BAZ1B: variants seen among roughly 807,000 people sequenced by gnomAD.
The protein encoded by BAZ1B is tyrosine-protein kinase BAZ1B.
Under a neutral mutation model 153.8 loss-of-function variants are expected in BAZ1B, and 22 were observed. The ratio of observed to expected loss-of-function variants is 0.14; its 90% confidence interval spans 0.10 to 0.20. The LOEUF (loss-of-function observed/expected upper bound fraction) is 0.20. BAZ1B is among the 10% of genes least tolerant of loss of function. The pLI, the probability that BAZ1B is intolerant of heterozygous loss-of-function variation, is 1.00. For missense variants in BAZ1B, 1,325 were observed against 1,799.3 expected, an observed-to-expected ratio of 0.74 and a Z score of 4.77; for synonymous variants, 676 against 633.4, an observed-to-expected ratio of 1.07 and a Z score of -1.01.
chr7:73,502,101 G>A (rs962461755), intron 3 of BAZ1B, among the ~76,000 whole-genome samples: 3 of 151,852 alleles, frequency 2.0e-5, no homozygotes, highest in Non-Finnish European at 4.4e-5. Flanking sequence ...ATGTTGGCCA[G>A]GCTGGTCTTG....
Position 73,496,437 on chromosome 7 carries a change from G to C in BAZ1B, c.571+2060C>G, listed in dbSNP as rs916334702. Among the ~76,000 whole-genome samples, 5 of 152,256 alleles carry C rather than the reference G, an allele frequency of 3.3e-5. No homozygotes were observed. In the East Asian group the frequency reaches 9.6e-4, roughly 29 times the overall value. On this transcript the variant is annotated intron_variant, in intron 4 of 19. Coordinates refer to ENST00000339594, the MANE Select transcript of BAZ1B (RefSeq NM_032408.4). The stretch of plus-strand genomic sequence containing the variant: ...CCAAAACATCTAGACACACAAAATA[G>C]AATGGGAGACAGACAACATCACATT...
chr7:73,462,215 T>C (rs955669480), intron 12 of BAZ1B, among the ~76,000 whole-genome samples: 107 of 152,154 alleles, frequency 7.0e-4, no homozygotes, highest in African/African-American at 2.5e-3. Context: ...TCAGCCTGGG[T>C]AACAGAGGGG....
At chr7:73,463,482 C>A (rs950833583) in intron 11 of BAZ1B, among the ~76,000 whole-genome samples, 6 of 151,792 alleles carry the variant, frequency 4.0e-5, no homozygotes, top group African/African-American at 1.5e-4. Flanking sequence ...TCAATTCAAG[C>A]GATCCTCTCC....
In BAZ1B at chr7:73,450,842, T is replaced by G; in HGVS notation, c.3580+5A>C. 1 of 1,613,966 alleles carries G rather than the reference T, an allele frequency of 6.2e-7. No homozygotes were observed. The highest frequency in any genetic ancestry group is 8.5e-7 in the Non-Finnish European group (1 of 1,179,866). On this transcript the variant is annotated splice_donor_5th_base_variant and intron_variant, in intron 14 of 19. Transcript: ENST00000339594. The surrounding 1 kb of genome is among the most constrained non-coding windows in gnomAD (Gnocchi z 4.1). Reference sequence around the variant, plus strand: ...CCCACATAAGCAAATTTGATTTAAATATACCTTTCTTTCGACAAACTTTGC... The same window carrying G: ...CCCACATAAGCAAATTTGATTTAAAGATACCTTTCTTTCGACAAACTTTGC...
At chr7:73,508,190 C>T (rs564125317) in intron 3 of BAZ1B, 137 bp downstream of exon 3, 21 of 899,910 alleles carry the variant, frequency 2.3e-5, no homozygotes, top group East Asian at 3.1e-5. Context: ...CAAGTATTAA[C>T]GTAAAGTATT....
chr7:73,513,094 C>T (rs1554578803), intron 1 of BAZ1B, among the ~76,000 whole-genome samples: 1 of 152,160 alleles, frequency 6.6e-6, no homozygotes, highest in East Asian at 1.9e-4. Context: ...GCTAGGACTA[C>T]AGGTGCACAC....
intron 14 of BAZ1B, 106 bp from the exon 15 acceptor site, chr7:73,449,795 G>T: frequency 8.0e-7 from 1 of 1,252,118 alleles, no homozygotes; most frequent in South Asian, 1.6e-5. Context: ...GAGGAGACAT[G>T]TTCCATAGAA....
Position 73,450,718 on chromosome 7 carries a change from A to G in BAZ1B, c.3580+129T>C. The G allele has an allele frequency of 9.3e-6, 10 of 1,080,720 alleles. No individual in the cohort carries two copies. Among genetic ancestry groups the G allele is most frequent in the Non-Finnish European group, 1.3e-5 (10 of 750,926 alleles). The allele number at this position is 1,080,720 out of a possible 1,614,324, so 66.9% of individuals were successfully genotyped here. On this transcript the variant is annotated intron_variant, in intron 14 of 19. Coordinates refer to ENST00000339594, the MANE Select transcript of BAZ1B (RefSeq NM_032408.4). This position sits in a 1 kb window ranked among gnomAD's most constrained non-coding sequence, Gnocchi z 4.1. ...AAAGACTGGCATGTTACAGACCTGC[A>G]GGAGAGTAAAATCTATACCACACTT...
At chr7:73,509,987 C>T (rs565935042) in intron 2 of BAZ1B, among the ~76,000 whole-genome samples, 14 of 150,188 alleles carry the variant, frequency 9.3e-5, no homozygotes, top group African/African-American at 3.4e-4. Context: ...ATTAGCCAGG[C>T]GTGGTGGTGA....
rs782464844 is a variant in BAZ1B at position 73,478,444 on chromosome 7, G to A, written c.1017C>T (p.His339=). 1.9e-5 allele frequency: 30 copies of A among 1,613,036 alleles called. No homozygotes were observed. The highest frequency in any genetic ancestry group is 8.9e-5 in the East Asian group (4 of 44,874). ...SSPLNPKLWC[H]VHLKKSLSGS... ...CACTCAATGACTTCTTCAAGTGTACGTGACACCATAACTTAGGATTTAGTG... is the reference window on the plus strand; with the variant it reads ...CACTCAATGACTTCTTCAAGTGTACATGACACCATAACTTAGGATTTAGTG... The change falls in exon 7 of 20, where the codon CAC becomes CAT. Residue 339 remains histidine (H), a synonymous_variant. Coordinates refer to ENST00000339594, the MANE Select transcript of BAZ1B (RefSeq NM_032408.4).
At chr7:73,470,799 G>C (rs1042186240) in intron 7 of BAZ1B, among the ~76,000 whole-genome samples, 6 of 152,046 alleles carry the variant, frequency 3.9e-5, no homozygotes, top group Admixed American at 6.6e-5. Flanking sequence ...GCAGTGGTGC[G>C]ATCTCGGCTC....
At chr7:73,453,685 C>A (rs1383313653) in intron 13 of BAZ1B, among the ~76,000 whole-genome samples, 1 of 152,202 alleles carries the variant, frequency 6.6e-6, no homozygotes, top group Non-Finnish European at 1.5e-5. Flanking sequence ...TATACACAGT[C>A]ATTTAAAAGG....
At chr7:73,458,857 G>A (rs1267008649) in intron 13 of BAZ1B, among the ~76,000 whole-genome samples, 9 of 152,010 alleles carry the variant, frequency 5.9e-5, no homozygotes, top group South Asian at 2.1e-4. Context: ...GCAAATCACC[G>A]CATACCAGCT....
Position 73,476,905 on chromosome 7 carries a change from A to G in BAZ1B, c.2556T>C (p.Ala852=), listed in dbSNP as rs943868783. The G allele has an allele frequency of 6.2e-7, 1 of 1,607,132 alleles. No homozygotes were observed. The highest frequency in any genetic ancestry group is 8.5e-7 in the Non-Finnish European group (1 of 1,178,040). The change falls in exon 7 of 20, where the codon GCT becomes GCC. Residue 852 remains alanine, a synonymous_variant. Coordinates refer to ENST00000339594, the MANE Select transcript of BAZ1B (RefSeq NM_032408.4). ...TTTCCTGGATTTCCCGTTCCTTCTT[A>G]GCTTGAATGGCAAGCAACCTTCTGC... ...VKSRRLLAIQ[A]KKEREIQERE...
intron 10 of BAZ1B, 100 bp downstream of exon 10, chr7:73,466,196 G>A (rs1432666746): frequency 7.3e-6 from 6 of 818,430 alleles, no homozygotes; most frequent in African/African-American, 1.7e-5. Flanking sequence ...AGTATCCTGC[G>A]CAAATAATTA....
chr7:73,477,654 G>A lies in BAZ1B; in HGVS notation c.1807C>T (p.Pro603Ser), dbSNP rs1789045900. 1 of 1,614,072 alleles carries A rather than the reference G, an allele frequency of 6.2e-7. No homozygotes were observed. Among genetic ancestry groups the A allele is most frequent in the Non-Finnish European group, 8.5e-7 (1 of 1,180,034 alleles). The change falls in exon 7 of 20, where the codon CCC (proline) becomes TCC (serine). Residue 603 changes from proline to serine, a missense_variant. Physicochemically the swap from Pro to Ser is moderately conservative, Grantham distance 74. Around this residue, in one of 9 missense-constraint regions of BAZ1B, gnomAD observed 154 missense variants for 266.3 expected, o/e 0.58. Coordinates refer to ENST00000339594, the MANE Select transcript of BAZ1B (RefSeq NM_032408.4). The surrounding 1 kb of genome is among the most constrained non-coding windows in gnomAD (Gnocchi z 5.6). ...FRLVDTPEGLPNTLFGDVAMV... is the reference protein window; with the variant it reads ...FRLVDTPEGLSNTLFGDVAMV... Reference sequence around the variant, plus strand: ...GCCACATCCCCAAACAGCGTGTTGGGCAGCCCTTCAGGGGTATCCACCAAT... The same window carrying A: ...GCCACATCCCCAAACAGCGTGTTGGACAGCCCTTCAGGGGTATCCACCAAT...
At chr7:73,504,569 C>T (rs1790258434) in intron 3 of BAZ1B, among the ~76,000 whole-genome samples, 1 of 151,858 alleles carries the variant, frequency 6.6e-6, no homozygotes, top group Non-Finnish European at 1.5e-5. Context: ...GAGGCTGAGG[C>T]AGGAGAATGG....
At chr7:73,468,151 C>A (rs1181575159) in intron 9 of BAZ1B, among the ~76,000 whole-genome samples, 1 of 152,152 alleles carries the variant, frequency 6.6e-6, no homozygotes, top group East Asian at 1.9e-4. Flanking sequence ...TCTTTTATTT[C>A]TTTATCTCCC....
At chr7:73,444,431 C>G (rs1554565850) in intron 16 of BAZ1B, among the ~76,000 whole-genome samples, 2 of 152,208 alleles carry the variant, frequency 1.3e-5, no homozygotes, top group Non-Finnish European at 2.9e-5. Flanking sequence ...AAGGCCCCTG[C>G]AGGAATCAAC....
Sources: gnomAD v4.1 joint callset for allele counts (sites outside exome capture counted in the v4.1 genomes callset) on GRCh38, gnomAD v4.1.1 for gene constraint, gnomAD v4.1.1 regional missense constraint, Gnocchi (gnomAD v3.1) non-coding constraint, MANE v1.5 for transcripts, NCBI Gene and HGNC (gene_info 2026-07-23, HGNC 2026-07-21) for gene names.